Variants in DIS3L2 observed in about 807,000 individuals in gnomAD.
DIS3L2 encodes DIS3-like exonuclease 2.
Under a neutral mutation model 97.5 loss-of-function variants are expected in DIS3L2, and 34 were observed. That is an observed-to-expected ratio of 0.35 (90% CI 0.27 to 0.46). DIS3L2 has a LOEUF of 0.46. Ranked by LOEUF, DIS3L2 falls within the 20% of genes least tolerant of loss-of-function variation. The pLI is 1.00. For synonymous variants in DIS3L2, 435 were observed against 445.2 expected (o/e 0.98, Z 0.29); for missense variants, 1,038 against 1,146.0 (o/e 0.91, Z 1.36).
At chr2:232,187,227 A>T (rs978828379) in intron 9 of DIS3L2, among the ~76,000 whole-genome samples, 4 of 152,204 alleles carry the variant, frequency 2.6e-5, no homozygotes, top group Admixed American at 2.6e-4. Context: ...ATTCACTAGG[A>T]TGGCTGTAAT....
chr2:232,079,085 A>G (rs1343971877), intron 5 of DIS3L2, among the ~76,000 whole-genome samples: 1 of 152,202 alleles, frequency 6.6e-6, no homozygotes, highest in Non-Finnish European at 1.5e-5. Flanking sequence ...TTTATCAGGG[A>G]AGATAGACTC....
At chr2:232,177,035 T>C (rs1691187077) in intron 9 of DIS3L2, among the ~76,000 whole-genome samples, 1 of 144,708 alleles carries the variant, frequency 6.9e-6, no homozygotes, top group Non-Finnish European at 1.5e-5. Context: ...AATTCCCACC[T>C]ATGAGTGAGA....
rs1055412561 is a variant in DIS3L2 at position 232,070,339 on chromosome 2, C to T, written c.367-17148C>T. On this transcript the variant is annotated intron_variant, in intron 5 of 20. Coordinates refer to ENST00000325385, the MANE Select transcript of DIS3L2 (RefSeq NM_152383.5). ...CTAGTTTACCCAGATTTACTTCCTG[C>T]CTTTTTGTTTGTTTGTTTTTTTCCT... Among the ~76,000 whole-genome samples, 8 of 103,752 alleles carry T rather than the reference C, an allele frequency of 7.7e-5. No individual in the cohort carries two copies. In the South Asian group the frequency reaches 1.5e-3, roughly 19 times the overall value. 68.1% of individuals were successfully genotyped at this position (103,752 alleles called of 152,430 possible). A position where few individuals can be genotyped will look rare whatever the true frequency, so the allele number is the denominator to read the frequency against.
At chr2:232,012,810 T>A (rs1320708945) in intron 1 of DIS3L2, among the ~76,000 whole-genome samples, 1 of 152,168 alleles carries the variant, frequency 6.6e-6, no homozygotes, top group Non-Finnish European at 1.5e-5. Context: ...GGGAAGGGAA[T>A]GTTGCTTGTT....
intron 11 of DIS3L2, among the ~76,000 whole-genome samples, chr2:232,239,985 G>A (rs569289145): frequency 6.6e-6 from 1 of 152,330 alleles, no homozygotes; most frequent in African/African-American, 2.4e-5. Flanking sequence ...AGTTCCCCCA[G>A]TGTAGCTGAG....
At chr2:232,294,380 C>T (rs957645452) in intron 13 of DIS3L2, among the ~76,000 whole-genome samples, 3 of 152,158 alleles carry the variant, frequency 2.0e-5, no homozygotes, top group East Asian at 3.8e-4. Context: ...GCTATGCATC[C>T]GTGTTTGCTA....
downstream of DIS3L2, among the ~76,000 whole-genome samples, chr2:232,340,435 G>A (rs1213704323): frequency 1.3e-5 from 2 of 152,164 alleles, no homozygotes; most frequent in Admixed American, 6.5e-5. Context: ...AGATCCCACC[G>A]TGGTCTGCAG....
intron 3 of DIS3L2, among the ~76,000 whole-genome samples, chr2:232,020,623 G>A (rs560941141): frequency 8.1e-4 from 124 of 152,282 alleles, no homozygotes; most frequent in African/African-American, 2.8e-3. Flanking sequence ...AACAGGCCCT[G>A]GTGGTGACCG....
intron 10 of DIS3L2, among the ~76,000 whole-genome samples, chr2:232,218,902 A>C (rs1031066396): frequency 1.3e-5 from 2 of 152,130 alleles, no homozygotes; most frequent in African/African-American, 4.8e-5. Context: ...TTTGTTACCA[A>C]AGCCCTGTAA....
intron 9 of DIS3L2, among the ~76,000 whole-genome samples, chr2:232,203,429 G>T (rs1199707517): frequency 1.3e-5 from 2 of 152,212 alleles, no homozygotes; most frequent in Non-Finnish European, 2.9e-5. Context: ...CAATAACACT[G>T]TGGTGTGACC....
chr2:232,001,833 C>T (rs989080865), intron 1 of DIS3L2, among the ~76,000 whole-genome samples: 1 of 150,698 alleles, frequency 6.6e-6, no homozygotes, highest in African/African-American at 2.4e-5. Flanking sequence ...CATTCTCCTG[C>T]CTCAGCCTCC....
chr2:232,181,436 C>T (rs1186317808), intron 9 of DIS3L2, among the ~76,000 whole-genome samples: 1 of 152,172 alleles, frequency 6.6e-6, no homozygotes, highest in African/African-American at 2.4e-5. Flanking sequence ...CTCCCCATCA[C>T]TTTCAGAGTG....
At chr2:232,266,780 A>T (rs555908171) in intron 13 of DIS3L2, among the ~76,000 whole-genome samples, 1 of 152,254 alleles carries the variant, frequency 6.6e-6, no homozygotes, top group African/African-American at 2.4e-5. Context: ...TCAGACCACT[A>T]TGTCCGTGCT....
At chr2:232,236,305 T>G (rs1281612440) in intron 10 of DIS3L2, among the ~76,000 whole-genome samples, 1 of 152,220 alleles carries the variant, frequency 6.6e-6, no homozygotes, top group African/African-American at 2.4e-5. Context: ...ACCTTAGGAC[T>G]GATCATTCAG....
intron 1 of DIS3L2, among the ~76,000 whole-genome samples, chr2:232,001,580 T>TTC (rs1693908575): frequency 9.5e-6 from 1 of 105,772 alleles, no homozygotes; most frequent in African/African-American, 3.0e-5. Flanking sequence ...TTTTTTTTTT[T>TTC]GCTTTTGTTG....
In DIS3L2 at chr2:232,317,977, C is replaced by G. The variant is rs535178317; in HGVS notation, c.1740-11836C>G. 2.8e-4 allele frequency among the ~76,000 whole-genome samples: 42 copies of G among 152,294 alleles called. 1 individual carries two copies. In the Middle Eastern group the frequency reaches 0.014, roughly 49 times the overall value. On this transcript the variant is annotated intron_variant, in intron 14 of 20. Transcript: ENST00000325385. ...GTTAAGTAGTCTGCCTAAGGTTACC[C>G]AGGTTGTGTGTGGTTGACAGTGCCC...
At chr2:232,208,512 T>C (rs1012273519) in intron 9 of DIS3L2, among the ~76,000 whole-genome samples, 5 of 152,212 alleles carry the variant, frequency 3.3e-5, no homozygotes, top group Admixed American at 3.3e-4. Flanking sequence ...GGTTTCACCA[T>C]GTTGGCCAGT....
intron 10 of DIS3L2, among the ~76,000 whole-genome samples, chr2:232,228,602 A>G (rs1209718937): frequency 6.6e-6 from 1 of 152,182 alleles, no homozygotes. Context: ...TTTAGTCACC[A>G]TAATCCACCA....
Position 232,014,853 on chromosome 2 carries a change from C to T in DIS3L2, c.-75C>T. ...GTTTCAGCGAATGACAACAGAGCTG[C>T]TCAAGGCGGGAACTCTGAGCTAAGC... is the stretch of plus-strand genomic sequence containing the variant. On this transcript the variant is annotated 5_prime_UTR_variant, in exon 2 of 21. Transcript: ENST00000325385. 6.5e-7 allele frequency: 1 copy of T among 1,533,138 alleles called. No individual in the cohort carries two copies. The highest frequency in any genetic ancestry group is 2.3e-5 in the East Asian group (1 of 44,280). The allele number at this position is 1,533,138 out of a possible 1,614,324, so 95.0% of individuals were successfully genotyped here.
Sources: allele counts gnomAD v4.1 joint callset (sites outside exome capture counted in the v4.1 genomes callset), GRCh38; gene constraint gnomAD v4.1.1; transcripts MANE v1.5; gene names NCBI Gene and HGNC (gene_info 2026-07-23, HGNC 2026-07-21).